ERBB4: variants seen among roughly 807,000 people sequenced by gnomAD.
ERBB4 encodes receptor tyrosine-protein kinase erbB-4.
Under a neutral mutation model 158.0 loss-of-function variants are expected in ERBB4, and 42 were observed. The observed-to-expected ratio is 0.27, with a 90% CI of 0.21 to 0.34. The LOEUF (loss-of-function observed/expected upper bound fraction) is 0.34, where lower values mean the gene tolerates loss of function less well. ERBB4 is among the 10% of genes least tolerant of loss of function. The pLI, the probability that ERBB4 is intolerant of heterozygous loss-of-function variation, is 1.00. For synonymous variants in ERBB4, 583 were observed against 558.7 expected (o/e 1.04, Z -0.61); for missense variants, 1,333 against 1,624.1 (o/e 0.82, Z 3.08).
At chr2:211,443,084 T>C (rs1255576910) in intron 20 of ERBB4, among the ~76,000 whole-genome samples, 1 of 152,026 alleles carries the variant, frequency 6.6e-6, no homozygotes, top group East Asian at 1.9e-4. Context: ...ATCCTTACTC[T>C]TTCTATCCTT....
chr2:211,493,903 C>T (rs1364936907), intron 20 of ERBB4, among the ~76,000 whole-genome samples: 3 of 152,098 alleles, frequency 2.0e-5, no homozygotes, highest in Non-Finnish European at 4.4e-5. Flanking sequence ...CTGGCCTCAT[C>T]CTGACCTATG....
At chr2:212,437,887 C>A (rs1321254096) in intron 1 of ERBB4, among the ~76,000 whole-genome samples, 1 of 152,044 alleles carries the variant, frequency 6.6e-6, no homozygotes, top group Non-Finnish European at 1.5e-5. Context: ...TTAAAAAAAT[C>A]AACTCCTTAA....
intron 3 of ERBB4, among the ~76,000 whole-genome samples, chr2:211,888,920 T>C (rs1005578358): frequency 1.3e-5 from 2 of 151,676 alleles, no homozygotes; most frequent in African/African-American, 4.9e-5. Flanking sequence ...TCTCACTGAT[T>C]GCTAGCACAG....
intron 2 of ERBB4, among the ~76,000 whole-genome samples, chr2:212,006,688 A>T (rs1203834374): frequency 6.6e-6 from 1 of 152,090 alleles, no homozygotes. Context: ...TCAATATACC[A>T]GGTTTCAGAT....
At chr2:211,926,936 T>C (rs1260003902) in intron 3 of ERBB4, among the ~76,000 whole-genome samples, 1 of 152,140 alleles carries the variant, frequency 6.6e-6, no homozygotes, top group Non-Finnish European at 1.5e-5. Context: ...TTAGTCAATG[T>C]GATATTAATC....
chr2:212,305,942 A>G (rs2086793469), intron 1 of ERBB4, among the ~76,000 whole-genome samples: 1 of 151,434 alleles, frequency 6.6e-6, no homozygotes, highest in South Asian at 2.1e-4. Flanking sequence ...TAGACATGCT[A>G]AAATAATTTA....
At chr2:211,868,245 C>G (rs983050678) in intron 3 of ERBB4, among the ~76,000 whole-genome samples, 7 of 152,170 alleles carry the variant, frequency 4.6e-5, no homozygotes, top group Admixed American at 2.0e-4. Flanking sequence ...GGAAGATACA[C>G]AGGATCTAGA....
rs56007115 is a variant in ERBB4 at position 211,946,576 on chromosome 2, C to CTTTTTTTTTTTTTTTTTT, written c.421+836_421+853dup. Among the ~76,000 whole-genome samples, 4 of 49,570 alleles carry CTTTTTTTTTTTTTTTTTT rather than the reference C, an allele frequency of 8.1e-5. 1 individual carries two copies. The highest frequency in any genetic ancestry group is 1.1e-4 in the Non-Finnish European group (3 of 28,288). The allele number at this position is 49,570 out of a possible 152,430, so 32.5% of individuals were successfully genotyped here. A position where few individuals can be genotyped will look rare whatever the true frequency, so the allele number is the denominator to read the frequency against. ...TACTAATTATTTACTAATTAGCTCTCTTTTTTTTTTTTTTTTTTTTTTTTT... is the reference window on the plus strand; with the variant it reads ...TACTAATTATTTACTAATTAGCTCTCTTTTTTTTTTTTTTTTTTTTTTTTTTTTTTTTTTTTTTTTTTT... On this transcript the variant is annotated intron_variant, in intron 3 of 27. Transcript: ENST00000342788.
At chr2:211,958,030 G>A (rs1471199169) in intron 2 of ERBB4, among the ~76,000 whole-genome samples, 1 of 152,062 alleles carries the variant, frequency 6.6e-6, no homozygotes, top group Non-Finnish European at 1.5e-5. Context: ...CTAGTCTGTT[G>A]TTATTTTTAA....
At chr2:212,141,478 A>C (rs2080475032) in intron 1 of ERBB4, among the ~76,000 whole-genome samples, 1 of 152,090 alleles carries the variant, frequency 6.6e-6, no homozygotes, top group Non-Finnish European at 1.5e-5. Flanking sequence ...AAGTGAGTGC[A>C]TGTAGAAAGA....
intron 1 of ERBB4, among the ~76,000 whole-genome samples, chr2:212,251,098 T>C (rs2084515697): frequency 6.6e-6 from 1 of 152,002 alleles, no homozygotes; most frequent in Admixed American, 6.6e-5. Context: ...TTTTCTGAGT[T>C]GAAAACTTGT....
intron 2 of ERBB4, among the ~76,000 whole-genome samples, chr2:212,078,012 A>T (rs991589468): frequency 6.6e-6 from 1 of 152,120 alleles, no homozygotes; most frequent in Admixed American, 6.6e-5. Flanking sequence ...GAAATGATCC[A>T]TCAAGAAGGA....
chr2:211,887,683 TC>T (rs2078841068), intron 3 of ERBB4, among the ~76,000 whole-genome samples: 1 of 152,204 alleles, frequency 6.6e-6, no homozygotes, highest in South Asian at 2.1e-4. Flanking sequence ...ATAATATTCC[TC>T]CAGTGTTGTT....
intron 1 of ERBB4, chr2:212,426,223 G>T (rs749302605): frequency 2.0e-6 from 1 of 490,262 alleles, no homozygotes; most frequent in South Asian, 1.5e-5. Flanking sequence ...GTTTTGAATT[G>T]ATTTAGTTAC....
intron 9 of ERBB4, among the ~76,000 whole-genome samples, chr2:211,705,605 GC>G (rs1245549074): frequency 6.6e-6 from 1 of 152,158 alleles, no homozygotes; most frequent in Non-Finnish European, 1.5e-5. Flanking sequence ...TTTCATCAAA[GC>G]CTATTCCAGA....
At chr2:212,054,900 A>G (rs1323510152) in intron 2 of ERBB4, among the ~76,000 whole-genome samples, 1 of 152,218 alleles carries the variant, frequency 6.6e-6, no homozygotes, top group Non-Finnish European at 1.5e-5. Flanking sequence ...TGATTTCTGC[A>G]TTTCCAAATG....
intron 2 of ERBB4, among the ~76,000 whole-genome samples, chr2:212,029,177 A>G (rs1164546961): frequency 6.6e-6 from 1 of 152,100 alleles, no homozygotes; most frequent in Non-Finnish European, 1.5e-5. Flanking sequence ...TGACAGCAAA[A>G]CTGCCCTGAG....
intron 20 of ERBB4, among the ~76,000 whole-genome samples, chr2:211,481,643 G>A (rs764727005): frequency 5.3e-5 from 8 of 151,884 alleles, no homozygotes; most frequent in Non-Finnish European, 8.8e-5. Context: ...AGTATGTGAG[G>A]AGCTGCTTCT....
At chr2:211,896,669 T>C (rs76752861) in intron 3 of ERBB4, among the ~76,000 whole-genome samples, 2,531 of 152,306 alleles carry the variant, frequency 0.017, 35 homozygotes, top group Middle Eastern at 0.034. Flanking sequence ...TAAAATTTGA[T>C]TGTCATTTTT....
Sources: gnomAD v4.1 joint callset for allele counts (sites outside exome capture counted in the v4.1 genomes callset) on GRCh38, gnomAD v4.1.1 for gene constraint, MANE v1.5 for transcripts, NCBI Gene and HGNC (gene_info 2026-07-23, HGNC 2026-07-21) for gene names.